GOT1: variants seen among roughly 807,000 people sequenced by gnomAD.
GOT1 encodes the protein aspartate aminotransferase, cytoplasmic.
Under a neutral mutation model 48.2 loss-of-function variants are expected in GOT1, and 25 were observed. That is an observed-to-expected ratio of 0.52 (90% CI 0.38 to 0.72). GOT1 has a LOEUF of 0.72. GOT1 is among the 30% of genes least tolerant of loss of function. The pLI is 0.00. For synonymous variants in GOT1, 188 were observed against 193.8 expected (o/e 0.97, Z 0.25); for missense variants, 380 against 520.1 (o/e 0.73, Z 2.62).
intron 2 of GOT1, among the ~76,000 whole-genome samples, chr10:99,407,203 G>A (rs1460673295): frequency 6.6e-6 from 1 of 151,370 alleles, no homozygotes; most frequent in Non-Finnish European, 1.5e-5. Context: ...GTGTGTGTGT[G>A]TGCATGCACG....
chr10:99,412,633 C>T (rs761576201), intron 2 of GOT1, among the ~76,000 whole-genome samples: 5 of 151,976 alleles, frequency 3.3e-5, no homozygotes, highest in Admixed American at 6.6e-5. Context: ...GATCTAAGAA[C>T]GGACAGCCTG....
At chr10:99,401,177 T>A (rs112478881) in intron 8 of GOT1, among the ~76,000 whole-genome samples, 3,070 of 152,308 alleles carry the variant, frequency 0.02, 41 homozygotes, top group Middle Eastern at 0.048. Context: ...TAAAGACTAT[T>A]AATATTTCTG....
intron 2 of GOT1, among the ~76,000 whole-genome samples, chr10:99,417,545 A>C (rs1255194084): frequency 6.6e-6 from 1 of 152,258 alleles, no homozygotes; most frequent in Non-Finnish European, 1.5e-5. Context: ...ATCTAGAACT[A>C]GAAATACCAT....
intron 5 of GOT1, 76 bp downstream of exon 5, chr10:99,405,680 A>C: frequency 1.3e-6 from 1 of 758,710 alleles, no homozygotes; most frequent in East Asian, 2.6e-5. Context: ...AGCAAACAGC[A>C]AACAGGTATT....
chr10:99,406,739 G>C lies in GOT1; in HGVS notation c.411C>G (p.Ser137=). 6.2e-7 allele frequency: 1 copy of C among 1,613,748 alleles called. No homozygotes were observed. Among genetic ancestry groups the C allele is most frequent in the Non-Finnish European group, 8.5e-7 (1 of 1,179,730 alleles). Reference sequence around the variant, plus strand: ...TGAAAGACTCACCCCAGGTTGGTGAGGACACATAGACAGGTGTGTTCTTGT... The same window carrying C: ...TGAAAGACTCACCCCAGGTTGGTGACGACACATAGACAGGTGTGTTCTTGT... The part of the protein sequence containing the change: ...TNNKNTPVYV[S]SPTWENHNAV... The change falls in exon 3 of 9, where the codon TCC becomes TCG. Residue 137 remains serine, a synonymous_variant. Coordinates refer to ENST00000370508, the MANE Select transcript of GOT1 (RefSeq NM_002079.3).
In GOT1 at chr10:99,405,785, G is replaced by T. The variant is rs1208023965; in HGVS notation, c.613C>A (p.Gln205Lys). ...ATGACAGAAGCAATCTGCTTCCACT[G>T]CTCCGGAGTTGGGTCAATCCCAGTT... ...NPTGIDPTPEQWKQIASVMKH... is the reference protein window; with the variant it reads ...NPTGIDPTPEKWKQIASVMKH... The change falls in exon 5 of 9, where the codon CAG (glutamine) becomes AAG (lysine). Residue 205 changes from glutamine (Q) to lysine (K), a missense_variant. Transcript: ENST00000370508. The T allele has an allele frequency of 6.2e-7, 1 of 1,603,100 alleles. No homozygotes were observed. Among genetic ancestry groups the T allele is most frequent in the South Asian group, 1.1e-5 (1 of 90,850 alleles).
chr10:99,406,123 T>C lies in GOT1; in HGVS notation c.537+14A>G. 6.5e-7 allele frequency: 1 copy of C among 1,537,290 alleles called. No homozygotes were observed. Among genetic ancestry groups the C allele is most frequent in the Non-Finnish European group, 9.0e-7 (1 of 1,110,004 alleles). ...CACCATGCAATTCTCTACTTTTTCCTCTAAATCACCCACCTCCAGATCATT... is the reference window on the plus strand; with the variant it reads ...CACCATGCAATTCTCTACTTTTTCCCCTAAATCACCCACCTCCAGATCATT... On this transcript the variant is annotated intron_variant, in intron 4 of 8. Transcript: ENST00000370508.
At chr10:99,420,549 T>C (rs189373899) in intron 2 of GOT1, 75 bp downstream of exon 2, 48 of 1,172,990 alleles carry the variant, frequency 4.1e-5, no homozygotes, top group Non-Finnish European at 5.8e-5. Context: ...GCCTAATATT[T>C]TAAACAAACT....
chr10:99,416,965 C>T (rs1179461693), intron 2 of GOT1, among the ~76,000 whole-genome samples: 1 of 152,156 alleles, frequency 6.6e-6, no homozygotes, highest in East Asian at 1.9e-4. Flanking sequence ...AGACCTAAAA[C>T]CATAAAAACC....
rs374880822 is a variant in GOT1 at position 99,430,605 on chromosome 10, G to T, written c.-40C>A. ...AATCAAGAGATTTCACCCCACGCCCGGAGCTGGCAGGTCAGGTCTGGCCGT... is the reference window on the plus strand; with the variant it reads ...AATCAAGAGATTTCACCCCACGCCCTGAGCTGGCAGGTCAGGTCTGGCCGT... On this transcript the variant is annotated 5_prime_UTR_variant, in exon 1 of 9. Coordinates refer to ENST00000370508, the MANE Select transcript of GOT1 (RefSeq NM_002079.3). 20 of 1,509,512 alleles carry T rather than the reference G, an allele frequency of 1.3e-5. No homozygotes were observed. The highest frequency in any genetic ancestry group is 3.5e-4 in the Middle Eastern group (2 of 5,710). The allele number at this position is 1,509,512 out of a possible 1,614,324, so 93.5% of individuals were successfully genotyped here.
chr10:99,408,223 A>G (rs1320732361), intron 2 of GOT1, among the ~76,000 whole-genome samples: 2 of 152,226 alleles, frequency 1.3e-5, no homozygotes, highest in African/African-American at 2.4e-5. Context: ...GGCACAGCTC[A>G]GCACAAATCC....
At chr10:99,399,924 C>A (rs1467204876) in intron 8 of GOT1, among the ~76,000 whole-genome samples, 1 of 152,212 alleles carries the variant, frequency 6.6e-6, no homozygotes, top group East Asian at 1.9e-4. Context: ...AAGAGGTTTA[C>A]CTGTGTGAAT....
rs1223482347 is a variant in GOT1 at position 99,397,425 on chromosome 10, C to T, written c.*122G>A. 2 of 1,057,380 alleles carry T rather than the reference C, an allele frequency of 1.9e-6. No individual in the cohort carries two copies. The highest frequency in any genetic ancestry group is 1.8e-5 in the Admixed American group (1 of 54,268). The allele number at this position is 1,057,380 out of a possible 1,614,324, so 65.5% of individuals were successfully genotyped here. A position where few individuals can be genotyped will look rare whatever the true frequency, so the allele number is the denominator to read the frequency against. Reference sequence around the variant, plus strand: ...GCCGGTTTAAACAGAGGCTGCCTCACCAGAGCAGCCTTTCAGTCCTGCAAG... The same window carrying T: ...GCCGGTTTAAACAGAGGCTGCCTCATCAGAGCAGCCTTTCAGTCCTGCAAG... On this transcript the variant is annotated 3_prime_UTR_variant, in exon 9 of 9. Coordinates refer to ENST00000370508, the MANE Select transcript of GOT1 (RefSeq NM_002079.3). The surrounding 1 kb of genome is among the most constrained non-coding windows in gnomAD (Gnocchi z 5.4).
chr10:99,422,600 C>G (rs2134108849), intron 1 of GOT1, among the ~76,000 whole-genome samples: 1 of 152,214 alleles, frequency 6.6e-6, no homozygotes. Context: ...TTGCATGTCT[C>G]CATCCCATTC....
At chr10:99,412,181 C>T (rs1454297303) in intron 2 of GOT1, among the ~76,000 whole-genome samples, 1 of 152,190 alleles carries the variant, frequency 6.6e-6, no homozygotes, top group East Asian at 1.9e-4. Context: ...GTCTAGAGAA[C>T]AGCAAGACTC....
intron 2 of GOT1, among the ~76,000 whole-genome samples, chr10:99,411,700 G>T (rs756984908): frequency 1.2e-4 from 18 of 152,166 alleles, no homozygotes; most frequent in Non-Finnish European, 2.5e-4. Context: ...TGAATGCAAG[G>T]GCAGGGGATT....
chr10:99,411,960 T>A (rs2032832816), intron 2 of GOT1, among the ~76,000 whole-genome samples: 1 of 152,160 alleles, frequency 6.6e-6, no homozygotes, highest in South Asian at 2.1e-4. Context: ...GTACTGTTAT[T>A]CCCAAGCTGT....
chr10:99,398,289 CAT>C (rs1236397352), intron 8 of GOT1, among the ~76,000 whole-genome samples: 1 of 152,226 alleles, frequency 6.6e-6, no homozygotes, highest in East Asian at 1.9e-4. Flanking sequence ...AAATGCATCA[CAT>C]GTGGGTAAGA....
At chr10:99,415,756 C>T (rs2032886910) in intron 2 of GOT1, among the ~76,000 whole-genome samples, 1 of 152,214 alleles carries the variant, frequency 6.6e-6, no homozygotes, top group South Asian at 2.1e-4. Context: ...GATCAATGGG[C>T]TTCATCCCTG....
Sources: gnomAD v4.1 joint callset for allele counts (sites outside exome capture counted in the v4.1 genomes callset) on GRCh38, gnomAD v4.1.1 for gene constraint, Gnocchi (gnomAD v3.1) non-coding constraint, MANE v1.5 for transcripts, NCBI Gene and HGNC (gene_info 2026-07-23, HGNC 2026-07-21) for gene names.